Variants in PCGF5 observed in about 807,000 individuals in gnomAD.
PCGF5 encodes the protein polycomb group ring finger 5, also known as polycomb group RING finger protein 5.
Under a neutral mutation model 44.3 loss-of-function variants are expected in PCGF5, and 9 were observed. That is an observed-to-expected ratio of 0.20 (90% confidence interval 0.12 to 0.35). The LOEUF is 0.35. Ranked by LOEUF, PCGF5 falls within the 10% of genes least tolerant of loss-of-function variation. The pLI is 1.00. For missense variants in PCGF5, 146 were observed against 305.3 expected (o/e 0.48, Z 3.89); for synonymous variants, 95 against 102.5 (o/e 0.93, Z 0.44).
In PCGF5 at chr10:91,282,734, G is replaced by A. The variant is rs1846484413; in HGVS notation, c.*4418G>A. The A allele has an allele frequency of 6.6e-6, 1 of 152,534 alleles. No homozygotes were observed. Among genetic ancestry groups the A allele is most frequent in the African/African-American group, 2.4e-5 (1 of 41,390 alleles). The allele number at this position is 152,534 out of a possible 1,614,324, so 9.4% of individuals were successfully genotyped here. A position where few individuals can be genotyped will look rare whatever the true frequency, so the allele number is the denominator to read the frequency against. ...CTCCTTGGATAGGGTGAAAATGGAT[G>A]CACACTCTATTACATACTCTGGTTT... On this transcript the variant is annotated 3_prime_UTR_variant, in exon 10 of 10. Transcript: ENST00000336126.
intron 2 of PCGF5, among the ~76,000 whole-genome samples, chr10:91,238,251 C>T (rs966396567): frequency 2.0e-5 from 3 of 152,140 alleles, no homozygotes; most frequent in Non-Finnish European, 2.9e-5. Context: ...ATTAGTATTC[C>T]CCATCACTGT....
upstream of PCGF5, among the ~76,000 whole-genome samples, chr10:91,158,722 C>T (rs547827197): frequency 5.4e-4 from 82 of 152,230 alleles, 1 homozygote; most frequent in South Asian, 7.5e-3. Context: ...ATTAGATACC[C>T]CAAACAATGC....
rs1844716287 is a variant in PCGF5, at chr10:91,222,772, A to G, written c.-100A>G. On this transcript the variant is annotated 5_prime_UTR_variant, in exon 2 of 10. Coordinates refer to ENST00000336126, the MANE Select transcript of PCGF5 (RefSeq NM_032373.5). Reference sequence around the variant, plus strand: ...GATGCTAGTTCTCATGCCTCAGGACATCCTACTGGGAACGACACACCAGCT... The same window carrying G: ...GATGCTAGTTCTCATGCCTCAGGACGTCCTACTGGGAACGACACACCAGCT... 3 of 641,048 alleles carry G rather than the reference A, an allele frequency of 4.7e-6. No homozygotes were observed. The highest frequency in any genetic ancestry group is 8.4e-6 in the Non-Finnish European group (3 of 358,438). The allele number at this position is 641,048 out of a possible 1,614,324, so 39.7% of individuals were successfully genotyped here.
intron 1 of PCGF5, among the ~76,000 whole-genome samples, chr10:91,176,956 T>C (rs148688975): frequency 0.011 from 1,621 of 152,324 alleles, 32 homozygotes; most frequent in African/African-American, 0.034. Context: ...TGAGGAGCTG[T>C]GTTCCTTTGG....
chr10:91,201,797 C>A (rs1844256608), intron 1 of PCGF5, among the ~76,000 whole-genome samples: 1 of 149,372 alleles, frequency 6.7e-6, no homozygotes, highest in African/African-American at 2.5e-5. Context: ...GCCTTCTTAA[C>A]AAGGCTGAAT....
At chr10:91,255,701 T>C (rs1190446952) in intron 6 of PCGF5, among the ~76,000 whole-genome samples, 1 of 152,046 alleles carries the variant, frequency 6.6e-6, no homozygotes, top group East Asian at 1.9e-4. Flanking sequence ...ATTTCCAGTA[T>C]TGCAACATTA....
intron 1 of PCGF5, among the ~76,000 whole-genome samples, chr10:91,195,074 G>T (rs141048069): frequency 4.8e-4 from 73 of 152,276 alleles, no homozygotes; most frequent in Admixed American, 1.1e-3. Context: ...GCAGCTGAGA[G>T]TGAGGATGGG....
intron 1 of PCGF5, among the ~76,000 whole-genome samples, chr10:91,187,187 A>G (rs181164892): frequency 1.2e-3 from 181 of 152,340 alleles, no homozygotes; most frequent in Non-Finnish European, 2.2e-3. Context: ...GGACCTATCT[A>G]TAGTGATTCG....
upstream of PCGF5, among the ~76,000 whole-genome samples, chr10:91,217,555 C>G (rs1433340721): frequency 1.3e-5 from 2 of 152,134 alleles, no homozygotes; most frequent in Admixed American, 1.3e-4. Flanking sequence ...GTTAGGTATA[C>G]AGATAGCTCC....
intron 1 of PCGF5, among the ~76,000 whole-genome samples, chr10:91,163,717 T>C (rs894128824): frequency 6.6e-6 from 1 of 151,676 alleles, no homozygotes; most frequent in Non-Finnish European, 1.5e-5. Context: ...GAGAGGCGCG[T>C]TGGGGAGGGC....
intron 6 of PCGF5, among the ~76,000 whole-genome samples, chr10:91,252,046 A>T (rs1366586340): frequency 6.6e-6 from 1 of 152,054 alleles, no homozygotes; most frequent in Non-Finnish European, 1.5e-5. Context: ...TAGGAAGTTT[A>T]AAACACTCTG....
rs1238159237 is a variant in PCGF5 at position 91,261,407 on chromosome 10, C to T, written c.556C>T (p.Leu186Phe). 6.8e-7 allele frequency: 1 copy of T among 1,474,408 alleles called. No individual in the cohort carries two copies. Among genetic ancestry groups the T allele is most frequent in the African/African-American group, 1.4e-5 (1 of 72,534 alleles). 91.3% of individuals were successfully genotyped at this position (1,474,408 alleles called of 1,614,324 possible). Residue 186 changes from leucine (L) to phenylalanine (F), a missense_variant, in exon 7 of 10, where the codon CTT (leucine) becomes TTT (phenylalanine). By Grantham distance (22) the Leu-to-Phe change is conservative (BLOSUM62 0). Around this residue, in one of 3 missense-constraint regions of PCGF5, gnomAD observed 123 missense variants for 268.6 expected, o/e 0.46. Transcript: ENST00000336126. The stretch of plus-strand genomic sequence containing the variant: ...AAAATTTCTAAGTTTAAAACTAAAA[C>T]TTCCAAGTTCTTATGAGGTAAGTTA... ...IKKFLSLKLK[L>F]PSSYELDVLC...
chr10:91,169,898 A>G (rs1364165754), intron 1 of PCGF5, among the ~76,000 whole-genome samples: 1 of 152,236 alleles, frequency 6.6e-6, no homozygotes, highest in Non-Finnish European at 1.5e-5. Flanking sequence ...TAATCAAGAC[A>G]GTGGTATTGG....
intron 6 of PCGF5, among the ~76,000 whole-genome samples, chr10:91,252,398 C>T (rs1845643459): frequency 6.6e-6 from 1 of 151,926 alleles, no homozygotes; most frequent in Admixed American, 6.6e-5. Flanking sequence ...TTCCTGGCAT[C>T]TTATAACAAC....
chr10:91,212,550 T>C (rs76195796), intron 1 of PCGF5, among the ~76,000 whole-genome samples: 1,698 of 152,334 alleles, frequency 0.011, 30 homozygotes, highest in African/African-American at 0.039. Flanking sequence ...TTATATTGTA[T>C]ACTCAGAGGC....
chr10:91,182,438 ATCT>A (rs1187288911), intron 1 of PCGF5, among the ~76,000 whole-genome samples: 1 of 150,594 alleles, frequency 6.6e-6, no homozygotes, highest in East Asian at 1.9e-4. Flanking sequence ...GTTTGTTTGA[ATCT>A]TCTTTATTAG....
intron 1 of PCGF5, among the ~76,000 whole-genome samples, chr10:91,169,839 G>C (rs972766406): frequency 8.5e-5 from 13 of 152,336 alleles, no homozygotes; most frequent in African/African-American, 3.1e-4. Flanking sequence ...GAAGAACAAA[G>C]TTGGAGGACT....
chr10:91,170,148 C>A (rs1462582822), intron 1 of PCGF5, among the ~76,000 whole-genome samples: 1 of 152,140 alleles, frequency 6.6e-6, no homozygotes, highest in Non-Finnish European at 1.5e-5. Context: ...GATCACAGAC[C>A]TGAATGTAAA....
At chr10:91,247,287 T>C (rs373063285) in intron 3 of PCGF5, among the ~76,000 whole-genome samples, 25 of 152,058 alleles carry the variant, frequency 1.6e-4, no homozygotes, top group African/African-American at 4.8e-4. Context: ...TAAAAAATAA[T>C]TTTTAAGTTT....
Sources: gnomAD v4.1 joint callset for allele counts (sites outside exome capture counted in the v4.1 genomes callset) on GRCh38, gnomAD v4.1.1 for gene constraint, gnomAD v4.1.1 regional missense constraint, MANE v1.5 for transcripts, NCBI Gene and HGNC (gene_info 2026-07-23, HGNC 2026-07-21) for gene names.